The following LRP1B variants were observed in gnomAD, a reference collection of about 807,000 sequenced individuals.
LRP1B encodes the protein LDL receptor related protein 1B, also known as low-density lipoprotein receptor-related protein 1B.
LRP1B carries 217 observed loss-of-function variants against 556.6 expected under a neutral mutation model. The observed-to-expected ratio is 0.39, with a 90% CI of 0.35 to 0.44. LRP1B has a LOEUF of 0.44. Ranked by LOEUF, LRP1B falls within the 20% of genes least tolerant of loss-of-function variation. The pLI, the probability that LRP1B is intolerant of heterozygous loss-of-function variation, is 1.00. For missense variants in LRP1B, 5,053 were observed against 5,620.8 expected (o/e 0.90, Z 3.23); for synonymous variants, 2,047 against 1,865.8 (o/e 1.10, Z -2.50).
At chr2:141,318,268 A>G (rs1293577515) in intron 3 of LRP1B, among the ~76,000 whole-genome samples, 1 of 152,136 alleles carries the variant, frequency 6.6e-6, no homozygotes, top group African/African-American at 2.4e-5. Context: ...TGCTCTGAAA[A>G]TGTGCTATGG....
chr2:140,316,565 G>T (rs1684527051), intron 82 of LRP1B, among the ~76,000 whole-genome samples: 1 of 152,016 alleles, frequency 6.6e-6, no homozygotes, highest in South Asian at 2.1e-4. Context: ...TGACGTAATA[G>T]AAATATAAAA....
intron 2 of LRP1B, among the ~76,000 whole-genome samples, chr2:141,544,386 TCCTCCTCCTCCTCCTCCTC>T (rs1685467734): frequency 5.0e-5 from 4 of 80,352 alleles, no homozygotes; most frequent in Non-Finnish European, 8.4e-5. Context: ...CTTCTTCTCC[TCCTCCTCCTCCTCCTCCTC>T]CTCCTCCTTC....
intron 3 of LRP1B, among the ~76,000 whole-genome samples, chr2:141,265,057 G>A (rs1016014371): frequency 3.3e-5 from 5 of 152,158 alleles, no homozygotes; most frequent in Non-Finnish European, 7.3e-5. Context: ...CGGGCACCGA[G>A]CCCTTCCCGG....
At position 140,774,959 on chromosome 2, in the gene LRP1B, A is replaced by G. The variant is rs903378250; in HGVS notation, c.5500+1139T>C. 2.6e-5 allele frequency among the ~76,000 whole-genome samples: 4 copies of G among 152,334 alleles called. No individual in the cohort carries two copies. The East Asian group carries it at 5.8e-4, about 22-fold the overall frequency. ...TATGTATATACATTCTCTTGGGTGC[A>G]CATACGTTCTGTATATGTGAATCTA... On this transcript the variant is annotated intron_variant, in intron 33 of 90. Transcript: ENST00000389484.
rs1311497855 is a variant in LRP1B, at chr2:140,885,803, A to ATT, written c.3964+334_3964+335insAA. 1.6e-4 allele frequency among the ~76,000 whole-genome samples: 23 copies of ATT among 143,888 alleles called. No homozygotes were observed. In the East Asian group the frequency reaches 4.3e-3, roughly 27 times the overall value. 94.4% of individuals were successfully genotyped at this position (143,888 alleles called of 152,430 possible). ...GTTGAAAGATGGTAGCAAAATTAAA[A>ATT]AAAAAAAAAAAACAAGTTATTGTAA... On this transcript the variant is annotated intron_variant, in intron 24 of 90. Transcript: ENST00000389484.
chr2:140,999,737 GA>G (rs1697357765), intron 15 of LRP1B, among the ~76,000 whole-genome samples: 1 of 151,950 alleles, frequency 6.6e-6, no homozygotes, highest in South Asian at 2.1e-4. Flanking sequence ...AGAAACTACT[GA>G]ACATGTTTTG....
intron 7 of LRP1B, among the ~76,000 whole-genome samples, chr2:141,186,254 C>G (rs916118049): frequency 6.7e-6 from 1 of 149,552 alleles, no homozygotes; most frequent in Non-Finnish European, 1.5e-5. Context: ...TTATAATAGT[C>G]AAGGCCAAAT....
chr2:141,544,301 C>CTTCTTCTTCTTCTTCTTCTTCTT (rs1685387839), intron 2 of LRP1B, among the ~76,000 whole-genome samples: 8 of 6,942 alleles, frequency 1.2e-3, no homozygotes, highest in Admixed American at 3.2e-3. Context: ...TACCACTCTT[C>CTTCTTCTTCTTCTTCTTCTTCTT]TTCTTCTTCT....
chr2:141,862,870 C>A (rs1354634237), intron 1 of LRP1B, among the ~76,000 whole-genome samples: 3 of 152,150 alleles, frequency 2.0e-5, no homozygotes, highest in South Asian at 2.1e-4. Context: ...GTCTTCAGGG[C>A]AAAGTTGGAG....
chr2:140,481,573 C>T (rs1292792815), intron 59 of LRP1B, among the ~76,000 whole-genome samples: 2 of 127,396 alleles, frequency 1.6e-5, no homozygotes, highest in Non-Finnish European at 3.4e-5. Context: ...GAAATGGTAG[C>T]CATCTTTATT....
intron 60 of LRP1B, among the ~76,000 whole-genome samples, chr2:140,462,256 T>C (rs1164644082): frequency 1.3e-5 from 2 of 152,216 alleles, no homozygotes; most frequent in Non-Finnish European, 2.9e-5. Flanking sequence ...ACTGCAAAAT[T>C]ATTCTAACTT....
In LRP1B at chr2:142,077,853, T is replaced by C. The variant is rs1289856720; in HGVS notation, c.82+52795A>G. 2.0e-5 allele frequency among the ~76,000 whole-genome samples: 3 copies of C among 152,110 alleles called. No individual in the cohort carries two copies. The East Asian group carries it at 5.8e-4, about 29-fold the overall frequency. On this transcript the variant is annotated intron_variant, in intron 1 of 90. Coordinates refer to ENST00000389484, the MANE Select transcript of LRP1B (RefSeq NM_018557.3). Reference sequence around the variant, plus strand: ...GGTCATAGATTCTAGAAAAAGTGAATTAGTTTAATGGTGAAACTAAAATAT... The same window carrying C: ...GGTCATAGATTCTAGAAAAAGTGAACTAGTTTAATGGTGAAACTAAAATAT...
In LRP1B at chr2:142,081,237, AC is replaced by A. The variant is rs199578387; in HGVS notation, c.82+49410del. ...TATAAGAAGAAATAAGAACAAGAAAACCTCAAGATGGAGGAAAAAATATTTT... is the reference window on the plus strand; with the variant it reads ...TATAAGAAGAAATAAGAACAAGAAAACTCAAGATGGAGGAAAAAATATTTT... On this transcript the variant is annotated intron_variant, in intron 1 of 90. Transcript: ENST00000389484. Among the ~76,000 whole-genome samples, 1,146 of 152,242 alleles carry A rather than the reference AC, an allele frequency of 7.5e-3. 18 individuals carry two copies. Among genetic ancestry groups the A allele is most frequent in the African/African-American group, 0.026 (1,065 of 41,528 alleles).
At chr2:141,738,686 A>T (rs1419902524) in intron 2 of LRP1B, among the ~76,000 whole-genome samples, 1 of 152,164 alleles carries the variant, frequency 6.6e-6, no homozygotes, top group Non-Finnish European at 1.5e-5. Context: ...ATTCCCAACC[A>T]GGATAAGTAG....
chr2:141,741,367 A>C (rs1340853442), intron 2 of LRP1B, among the ~76,000 whole-genome samples: 1 of 138,412 alleles, frequency 7.2e-6, no homozygotes, highest in Non-Finnish European at 1.5e-5. Context: ...TTTTTTGAGG[A>C]GCCTCCAAAC....
At chr2:141,062,430 C>T (rs1284303707) in intron 7 of LRP1B, among the ~76,000 whole-genome samples, 157 bp from the exon 8 acceptor site, 1 of 151,804 alleles carries the variant, frequency 6.6e-6, no homozygotes, top group African/African-American at 2.4e-5. Context: ...CACTCATAAA[C>T]AGAGAAATCT....
chr2:141,829,573 C>T (rs1223468761), intron 1 of LRP1B, among the ~76,000 whole-genome samples: 1 of 151,904 alleles, frequency 6.6e-6, no homozygotes, highest in Non-Finnish European at 1.5e-5. Flanking sequence ...GGATAATTGT[C>T]TTCAGTGTTT....
At chr2:141,343,463 T>G (rs1319676378) in intron 3 of LRP1B, among the ~76,000 whole-genome samples, 1 of 152,240 alleles carries the variant, frequency 6.6e-6, no homozygotes, top group African/African-American at 2.4e-5. Flanking sequence ...CAAGATAATG[T>G]GATTCACGCT....
chr2:140,315,715 G>C (rs1389716856), intron 82 of LRP1B, among the ~76,000 whole-genome samples: 2 of 152,086 alleles, frequency 1.3e-5, no homozygotes, highest in Non-Finnish European at 2.9e-5. Context: ...TATTAAAAAA[G>C]AAAACTTTAA....
Sources: gnomAD v4.1 joint callset for allele counts (sites outside exome capture counted in the v4.1 genomes callset) on GRCh38, gnomAD v4.1.1 for gene constraint, MANE v1.5 for transcripts, NCBI Gene and HGNC (gene_info 2026-07-23, HGNC 2026-07-21) for gene names.